Variants in CEP85L observed in about 807,000 individuals in gnomAD.
CEP85L encodes centrosomal protein of 85 kDa-like.
CEP85L carries 60 observed loss-of-function variants against 100.3 expected under a neutral mutation model. The observed-to-expected ratio is 0.60, with a 90% CI of 0.49 to 0.74. The LOEUF is 0.74. Among genes scored for constraint, CEP85L ranks in the 30% least tolerant of loss-of-function variants. The probability of loss-of-function intolerance (pLI) is 0.00; values close to 1 mark genes in which losing one functional copy is unlikely to be tolerated. For missense variants in CEP85L, 973 were observed against 936.2 expected, an observed-to-expected ratio of 1.04 and a Z score of -0.51; for synonymous variants, 319 against 322.7, an observed-to-expected ratio of 0.99 and a Z score of 0.12.
At chr6:118,506,161 G>A (rs1490143392) in intron 5 of CEP85L, among the ~76,000 whole-genome samples, 4 of 152,176 alleles carry the variant, frequency 2.6e-5, no homozygotes, top group Admixed American at 2.6e-4. Context: ...CGTATGGAAC[G>A]AATAGGATTA....
At chr6:118,478,125 T>C (rs559547583) in intron 10 of CEP85L, among the ~76,000 whole-genome samples, 7 of 152,226 alleles carry the variant, frequency 4.6e-5, no homozygotes, top group Non-Finnish European at 7.4e-5. Flanking sequence ...TTAACCACAA[T>C]AGAAAGCCAC....
intron 1 of CEP85L, among the ~76,000 whole-genome samples, chr6:118,691,392 A>T (rs1777039114): frequency 6.6e-6 from 1 of 151,974 alleles, no homozygotes; most frequent in South Asian, 2.1e-4. Flanking sequence ...AATTAGCCAG[A>T]TGTGGCGGTG....
At chr6:118,592,608 A>T (rs1378695028) in intron 2 of CEP85L, among the ~76,000 whole-genome samples, 1 of 152,170 alleles carries the variant, frequency 6.6e-6, no homozygotes, top group Non-Finnish European at 1.5e-5. Context: ...TGTTAATAAA[A>T]AGCAGAACAG....
Position 118,611,785 on chromosome 6 carries a change from C to T in CEP85L, c.232+20668G>A, listed in dbSNP as rs570040227. Among the ~76,000 whole-genome samples, 9 of 152,062 alleles carry T rather than the reference C, an allele frequency of 5.9e-5. No homozygotes were observed. The East Asian group carries it at 7.7e-4, about 13-fold the overall frequency. On this transcript the variant is annotated intron_variant, in intron 2 of 12. Coordinates refer to ENST00000368491, the MANE Select transcript of CEP85L (RefSeq NM_001042475.3). ...GGACATTATATAATGATAAAAGGGCCGACAGACCAAGAAGTAATAGCAATT... is the reference window on the plus strand; with the variant it reads ...GGACATTATATAATGATAAAAGGGCTGACAGACCAAGAAGTAATAGCAATT...
chr6:118,566,167 T>C lies in CEP85L; in HGVS notation c.382A>G (p.Ser128Gly), dbSNP rs748349522. The stretch of plus-strand genomic sequence containing the variant: ...TGGTTTCCCAATGTTTGCATGAGGC[T>C]TGTACTCCATTTTGAGCCATCTGGT... ...LTPDGSKWST[S>G]LMQTLGNHSR... The change falls in exon 3 of 13, where the codon AGC becomes GGC. Residue 128 changes from serine to glycine, a missense_variant. Physicochemically the swap from Ser to Gly is moderately conservative, Grantham distance 56 (BLOSUM62 0). Coordinates refer to ENST00000368491, the MANE Select transcript of CEP85L (RefSeq NM_001042475.3). 6.2e-7 allele frequency: 1 copy of C among 1,614,164 alleles called. No individual in the cohort carries two copies. The highest frequency in any genetic ancestry group is 8.5e-7 in the Non-Finnish European group (1 of 1,180,026).
chr6:118,488,114 A>C (rs1774311006), intron 6 of CEP85L, among the ~76,000 whole-genome samples: 1 of 152,154 alleles, frequency 6.6e-6, no homozygotes, highest in African/African-American at 2.4e-5. Context: ...TGAGGAGTGG[A>C]AGTGATAGCT....
intron 9 of CEP85L, 36 bp downstream of exon 9, chr6:118,480,360 T>C (rs781591823): frequency 1.6e-5 from 19 of 1,171,988 alleles, no homozygotes; most frequent in South Asian, 7.8e-5. Context: ...CCACATAGCA[T>C]AGATTTCACG....
intron 1 of CEP85L, among the ~76,000 whole-genome samples, chr6:118,709,424 G>A (rs776877372): frequency 8.5e-5 from 13 of 152,072 alleles, no homozygotes; most frequent in Admixed American, 6.5e-4. Flanking sequence ...CAGCGCATGC[G>A]GCTCCCCACT....
intron 1 of CEP85L, among the ~76,000 whole-genome samples, chr6:118,672,258 G>A (rs183529542): frequency 1.2e-3 from 181 of 152,158 alleles, no homozygotes; most frequent in African/African-American, 4.1e-3. Flanking sequence ...GGCAAGTCTC[G>A]AACTCCTGGC....
intron 5 of CEP85L, among the ~76,000 whole-genome samples, chr6:118,492,158 T>G (rs1354293679): frequency 6.6e-6 from 1 of 152,056 alleles, no homozygotes; most frequent in Non-Finnish European, 1.5e-5. Context: ...TAGGAGAAAC[T>G]TCATGAAAGA....
chr6:118,677,769 A>G (rs576377357), intron 1 of CEP85L, among the ~76,000 whole-genome samples: 30 of 152,334 alleles, frequency 2.0e-4, no homozygotes, highest in African/African-American at 7.2e-4. Context: ...GGAGACTTCC[A>G]TGATTTTACC....
At chr6:118,558,694 G>A (rs1562259846) in intron 3 of CEP85L, 4 of 549,510 alleles carry the variant, frequency 7.3e-6, no homozygotes, top group South Asian at 6.0e-5. Flanking sequence ...GAGAGGGAGA[G>A]AGACTATAGA....
intron 3 of CEP85L, among the ~76,000 whole-genome samples, chr6:118,558,660 C>CAGAGAG (rs369698272): frequency 6.5e-5 from 8 of 122,214 alleles, no homozygotes; most frequent in South Asian, 5.9e-4. Flanking sequence ...CACACACACA[C>CAGAGAG]AGAGAGAGAG....
chr6:118,608,089 C>G (rs1772353593), intron 2 of CEP85L, among the ~76,000 whole-genome samples: 2 of 152,178 alleles, frequency 1.3e-5, no homozygotes, highest in South Asian at 4.1e-4. Context: ...ACTAGAGATA[C>G]TATTTCCTGG....
intron 5 of CEP85L, 64 bp from the exon 6 acceptor site, chr6:118,491,929 T>C (rs1001619702): frequency 9.3e-6 from 12 of 1,284,902 alleles, no homozygotes; most frequent in Non-Finnish European, 1.3e-5. Flanking sequence ...TGTGAAGAAA[T>C]TGGAAATGAA....
At position 118,651,299 on chromosome 6, in the gene CEP85L, A is replaced by T. The variant is rs766515182; in HGVS notation, c.-30T>A. On this transcript the variant is annotated 5_prime_UTR_variant, in exon 1 of 13. Coordinates refer to ENST00000368491, the MANE Select transcript of CEP85L (RefSeq NM_001042475.3). ...GGCGAGAGGGCCGGGTGGGCCAGGGACGCCCGACTCCTCACGTCCGTCCTC... is the reference window on the plus strand; with the variant it reads ...GGCGAGAGGGCCGGGTGGGCCAGGGTCGCCCGACTCCTCACGTCCGTCCTC... 2 of 1,463,270 alleles carry T rather than the reference A, an allele frequency of 1.4e-6. No homozygotes were observed. Among genetic ancestry groups the T allele is most frequent in the East Asian group, 2.9e-5 (1 of 34,224 alleles). The allele number at this position is 1,463,270 out of a possible 1,614,324, so 90.6% of individuals were successfully genotyped here. A position where few individuals can be genotyped will look rare whatever the true frequency, so the allele number is the denominator to read the frequency against.
At chr6:118,638,834 A>G (rs962279974) in intron 1 of CEP85L, among the ~76,000 whole-genome samples, 1 of 152,146 alleles carries the variant, frequency 6.6e-6, no homozygotes, top group African/African-American at 2.4e-5. Context: ...TTAAATAAAA[A>G]AGCAACCTAT....
chr6:118,684,054 A>T (rs993686241), intron 1 of CEP85L, among the ~76,000 whole-genome samples: 32 of 152,210 alleles, frequency 2.1e-4, no homozygotes, highest in African/African-American at 7.5e-4. Context: ...TCTATACTAA[A>T]CATCCATCCC....
intron 1 of CEP85L, among the ~76,000 whole-genome samples, chr6:118,650,374 AT>A (rs2115382571): frequency 6.6e-6 from 1 of 152,216 alleles, no homozygotes; most frequent in South Asian, 2.1e-4. Context: ...TTAGGGGAGG[AT>A]TTATCCTAAT....
Sources: allele counts gnomAD v4.1 joint callset (sites outside exome capture counted in the v4.1 genomes callset), GRCh38; gene constraint gnomAD v4.1.1; transcripts MANE v1.5; gene names NCBI Gene and HGNC (gene_info 2026-07-23, HGNC 2026-07-21).